DMD: variants seen among roughly 807,000 people sequenced by gnomAD.
DMD encodes the protein mutant dystrophin.
In DMD, 63 loss-of-function variants were observed where a neutral mutation model predicts 330.1. The observed-to-expected ratio is 0.19, with a 90% CI of 0.16 to 0.24. DMD has a LOEUF of 0.24. DMD is among the 10% of genes least tolerant of loss of function. The pLI is 1.00. For synonymous variants in DMD, 1,223 were observed against 959.8 expected, an observed-to-expected ratio of 1.27 and a Z score of -5.07; for missense variants, 3,344 against 2,684.1, an observed-to-expected ratio of 1.25 and a Z score of -5.43.
intron 2 of DMD, among the ~76,000 whole-genome samples, chrX:32,921,909 G>T (rs1407161092): frequency 9.0e-6 from 1 of 111,111 alleles, no homozygotes; most frequent in East Asian, 2.8e-4. Context: ...TTGTATAAAC[G>T]TTTATTTATC....
rs375828629 is a variant in DMD, at chrX:33,339,318, A to C, written c.-53T>G. On this transcript the variant is annotated 5_prime_UTR_variant, in exon 1 of 18. Coordinates refer to the DMD transcript ENST00000288447. ...ATGCCAATAAGTTGGCTGCTGTAAC[A>C]AATCAAGATAGTGCAAAACAGCATC... The C allele has an allele frequency of 2.7e-5, 27 of 1,014,201 alleles. No homozygotes were observed. In the African/African-American group the frequency reaches 5.3e-4, roughly 20 times the overall value. The allele number at this position is 1,014,201 out of a possible 1,213,427, so 83.6% of individuals were successfully genotyped here.
At chrX:32,860,909 C>T (rs941504825) in intron 2 of DMD, among the ~76,000 whole-genome samples, 2 of 111,438 alleles carry the variant, frequency 1.8e-5, no homozygotes, top group Admixed American at 1.9e-4. Flanking sequence ...AGTTAGAATA[C>T]TAGTGACTGA....
At chrX:32,448,934 T>C (rs369881022) in intron 26 of DMD, among the ~76,000 whole-genome samples, 1 of 110,813 alleles carries the variant, frequency 9.0e-6, no homozygotes. Flanking sequence ...ATAAATACAA[T>C]TGTTTGGAAA....
At chrX:32,914,629 C>A (rs2087620375) in intron 2 of DMD, among the ~76,000 whole-genome samples, 1 of 112,028 alleles carries the variant, frequency 8.9e-6, no homozygotes, top group Non-Finnish European at 1.9e-5. Context: ...CCCAAAATAA[C>A]ACAATAAACG....
intron 51 of DMD, among the ~76,000 whole-genome samples, chrX:31,731,725 A>C (rs1413907815): frequency 2.7e-5 from 3 of 111,700 alleles, no homozygotes; most frequent in Admixed American, 1.9e-4. Flanking sequence ...TTTATATAAC[A>C]AAGATTATCT....
At chrX:33,016,341 G>T in intron 2 of DMD, among the ~76,000 whole-genome samples, 1 of 111,760 alleles carries the variant, frequency 8.9e-6, no homozygotes, top group Admixed American at 9.5e-5. Context: ...TCTTTAGATG[G>T]ATACACACTT....
intron 17 of DMD, among the ~76,000 whole-genome samples, chrX:32,527,458 T>C (rs1388305212): frequency 1.8e-5 from 2 of 110,744 alleles, no homozygotes; most frequent in Non-Finnish European, 3.8e-5. Context: ...ACTATTCATC[T>C]TCCAAGGCTC....
chrX:31,860,245 G>A (rs923067097), intron 48 of DMD, among the ~76,000 whole-genome samples: 29 of 112,390 alleles, frequency 2.6e-4, no homozygotes, highest in Admixed American at 2.5e-3. Context: ...ATTATTTCAA[G>A]AAAGTATAAA....
chrX:31,352,292 TG>T (rs1392532097), intron 60 of DMD, among the ~76,000 whole-genome samples: 1 of 111,135 alleles, frequency 9.0e-6, no homozygotes, highest in Non-Finnish European at 1.9e-5. Context: ...AAATTTAGAA[TG>T]GGTCATTTCA....
At chrX:32,265,384 T>G (rs762925673) in intron 43 of DMD, among the ~76,000 whole-genome samples, 4 of 112,564 alleles carry the variant, frequency 3.6e-5, no homozygotes, top group Non-Finnish European at 5.6e-5. Context: ...AGAGGATATA[T>G]GGAAATGTCT....
chrX:31,569,616 A>ATATATACGTATATACGTATATATATG (rs1381313458), intron 55 of DMD, among the ~76,000 whole-genome samples: 7 of 100,057 alleles, frequency 7.0e-5, no homozygotes, highest in African/African-American at 2.3e-4. Context: ...GTATATACGT[A>ATATATACGTATATACGTATATATATG]TATATACGTA....
chrX:33,070,230 G>A (rs2094724756), intron 1 of DMD, among the ~76,000 whole-genome samples: 1 of 111,260 alleles, frequency 9.0e-6, no homozygotes, highest in Non-Finnish European at 1.9e-5. Context: ...TTTTTACGTA[G>A]TCACATGTAT....
At chrX:33,047,508 TA>T (rs754930358) in intron 1 of DMD, among the ~76,000 whole-genome samples, 1 of 111,114 alleles carries the variant, frequency 9.0e-6, no homozygotes, top group African/African-American at 3.3e-5. Flanking sequence ...GATTTTTTTT[TA>T]AAAAAGCTTA....
intron 62 of DMD, among the ~76,000 whole-genome samples, chrX:31,293,894 G>A (rs1347923441): frequency 1.8e-5 from 2 of 111,712 alleles, no homozygotes; most frequent in African/African-American, 6.5e-5. Flanking sequence ...GGTGGCTCAC[G>A]CCTGTAATCC....
rs763087264 is a variant in DMD at position 31,119,820 on chromosome X, A to T, written c.*2099T>A. The stretch of plus-strand genomic sequence containing the variant: ...CAAGACAAAAACCAAATCTTCATGT[A>T]ATTTGGTAATTTGTTACCTTAGAGC... On this transcript the variant is annotated 3_prime_UTR_variant, in exon 79 of 79. Coordinates refer to ENST00000357033, the MANE Select transcript of DMD (RefSeq NM_004006.3). The T allele has an allele frequency of 6.3e-5, 7 of 111,666 alleles. No individual in the cohort carries two copies. Among genetic ancestry groups the T allele is most frequent in the Non-Finnish European group, 9.4e-5 (5 of 53,058 alleles). 9.2% of individuals were successfully genotyped at this position (111,666 alleles called of 1,213,427 possible).
chrX:31,985,456 A>G (rs189522130), intron 44 of DMD, among the ~76,000 whole-genome samples: 1 of 112,903 alleles, frequency 8.9e-6, no homozygotes, highest in African/African-American at 3.2e-5. Context: ...TCGCTTCTAC[A>G]TAATAGCCTT....
chrX:33,189,604 T>A (rs936790164), intron 1 of DMD, among the ~76,000 whole-genome samples: 1 of 110,391 alleles, frequency 9.1e-6, no homozygotes, highest in South Asian at 3.9e-4. Context: ...GGAAGACTTA[T>A]CCCTGACAAC....
intron 13 of DMD, among the ~76,000 whole-genome samples, chrX:32,594,846 G>A (rs903761905): frequency 1.8e-5 from 2 of 111,498 alleles, no homozygotes; most frequent in African/African-American, 3.3e-5. Context: ...AGCATTCCAC[G>A]ACAATTCCAG....
At chrX:31,466,140 T>G (rs1246886162) in intron 59 of DMD, among the ~76,000 whole-genome samples, 1 of 112,456 alleles carries the variant, frequency 8.9e-6, no homozygotes, top group East Asian at 2.8e-4. Context: ...TTGTTCACTC[T>G]GATGATAGTT....
Sources: gnomAD v4.1 joint callset for allele counts (sites outside exome capture counted in the v4.1 genomes callset) on GRCh38, gnomAD v4.1.1 for gene constraint, MANE v1.5 for transcripts, NCBI Gene and HGNC (gene_info 2026-07-23, HGNC 2026-07-21) for gene names.